The following ECPAS variants were observed in gnomAD, a reference collection of about 807,000 sequenced individuals.
ECPAS encodes Ecm29 proteasome adaptor and scaffold.
A neutral mutation model predicts 255.1 loss-of-function variants in ECPAS; 70 were observed. The ratio of observed to expected loss-of-function variants is 0.27; its 90% CI spans 0.23 to 0.33. ECPAS has a LOEUF of 0.33. ECPAS is among the 10% of genes least tolerant of loss of function. The pLI, the probability that ECPAS is intolerant of heterozygous loss-of-function variation, is 1.00. For missense variants in ECPAS, 1,817 were observed against 2,206.4 expected (o/e 0.82, Z 3.54); for synonymous variants, 784 against 775.0 (o/e 1.01, Z -0.19).
rs1489363188 is a variant in ECPAS at position 111,425,780 on chromosome 9, T to G, written c.1099A>C (p.Thr367Pro). The G allele has an allele frequency of 6.3e-7, 1 of 1,591,240 alleles. No individual in the cohort carries two copies. The highest frequency in any genetic ancestry group is 1.1e-5 in the South Asian group (1 of 89,004). The change falls in exon 11 of 50, where the codon ACA (threonine) becomes CCA (proline). Residue 367 changes from threonine (T) to proline (P), a missense_variant. Physicochemically the swap from Thr to Pro is conservative, Grantham distance 38. Coordinates refer to ENST00000684092, the MANE Select transcript of ECPAS (RefSeq NM_001364929.1). The part of the protein sequence containing the change: ...FGTNTNSKLR[T>P]LSLQFVHHIC... The stretch of plus-strand genomic sequence containing the variant: ...TGATGCACAAATTGCAGGGATAATG[T>G]TCTTAACTTTGAATTTGTATTTGTA...
chr9:111,389,592 T>C lies in ECPAS; in HGVS notation c.3411A>G (p.Thr1137=). The C allele has an allele frequency of 1.9e-6, 3 of 1,613,670 alleles. No homozygotes were observed. Among genetic ancestry groups the C allele is most frequent in the South Asian group, 1.1e-5 (1 of 91,004 alleles). The change falls in exon 31 of 50, where the codon ACA becomes ACG. Residue 1137 remains threonine (T), a synonymous_variant. Transcript: ENST00000684092. ...DPNLGIRQAM[T]SIWNALVTDK... ...CAGTGACCAACGCATTCCAAATACTTGTCATGGCCTGTCGAATGCCAAGGT... is the reference window on the plus strand; with the variant it reads ...CAGTGACCAACGCATTCCAAATACTCGTCATGGCCTGTCGAATGCCAAGGT...
At chr9:111,408,824 T>A (rs1564524512) in intron 23 of ECPAS, among the ~76,000 whole-genome samples, 152 bp from the exon 24 acceptor site, 1 of 152,360 alleles carries the variant, frequency 6.6e-6, no homozygotes, top group East Asian at 1.9e-4. Flanking sequence ...TACAGTCGTA[T>A]GTCTGTAAGT....
At chr9:111,456,453 C>G (rs1468513780) in intron 2 of ECPAS, among the ~76,000 whole-genome samples, 1 of 152,178 alleles carries the variant, frequency 6.6e-6, no homozygotes. Context: ...CCAAGAATGA[C>G]CCTATTTTCT....
At chr9:111,392,912 CT>C (rs772510664) in intron 27 of ECPAS, 30 bp from the exon 28 acceptor site, 30 of 1,526,486 alleles carry the variant, frequency 2.0e-5, no homozygotes, top group Non-Finnish European at 2.4e-5. Flanking sequence ...GATTGTATCA[CT>C]TTAAAAAAAA....
intron 2 of ECPAS, among the ~76,000 whole-genome samples, chr9:111,469,157 G>T (rs555682310): frequency 4.2e-4 from 63 of 150,948 alleles, no homozygotes; most frequent in African/African-American, 1.3e-3. Context: ...GAAATCACTT[G>T]AACCCAGGAG....
At chr9:111,364,091 A>C (rs564962492) in intron 48 of ECPAS, among the ~76,000 whole-genome samples, 8 of 152,318 alleles carry the variant, frequency 5.3e-5, no homozygotes, top group African/African-American at 1.9e-4. Flanking sequence ...CAGCAAAGAG[A>C]GGTCTGTTGG....
intron 24 of ECPAS, among the ~76,000 whole-genome samples, chr9:111,407,953 G>T (rs1016515499): frequency 1.3e-5 from 2 of 152,190 alleles, no homozygotes. Context: ...AGTAACTAAA[G>T]AATCTACCCT....
chr9:111,394,367 A>C (rs1006014134), intron 25 of ECPAS, 62 bp from the exon 26 acceptor site: 4 of 1,380,860 alleles, frequency 2.9e-6, no homozygotes, highest in Non-Finnish European at 3.8e-6. Context: ...TTCCTGAAAA[A>C]ATTAAATTCA....
chr9:111,389,847 G>T, intron 30 of ECPAS, 124 bp from the exon 31 acceptor site: 2 of 1,187,210 alleles, frequency 1.7e-6, no homozygotes, highest in East Asian at 2.6e-5. Context: ...CCAATCAACA[G>T]CATTTGTGGG....
At chr9:111,483,796 C>T (rs1225996692) in intron 1 of ECPAS, 3 of 198,452 alleles carry the variant, frequency 1.5e-5, no homozygotes, top group African/African-American at 7.2e-5. Flanking sequence ...CCGCTGCCGC[C>T]GCCGCCGTCT....
rs529886616 is a variant in ECPAS at position 111,386,427 on chromosome 9, T to C, written c.3477A>G (p.Gln1159=). Residue 1159 remains glutamine, a synonymous_variant, in exon 32 of 50, where the codon CAA becomes CAG. Coordinates refer to ENST00000684092, the MANE Select transcript of ECPAS (RefSeq NM_001364929.1). The stretch of plus-strand genomic sequence containing the variant: ...TGCTTGTAAGGTTCTTAACCAAATC[T>C]TGAAGAATTTCTTTCAAATATTTAT... The part of the protein sequence containing the change: ...MVDKYLKEIL[Q]DLVKNLTSNM... 3.1e-6 allele frequency: 5 copies of C among 1,600,166 alleles called. No homozygotes were observed. In the African/African-American group the frequency reaches 4.0e-5, roughly 13 times the overall value.
At chr9:111,363,561 C>G (rs368148946) in intron 49 of ECPAS, 27 bp downstream of exon 49, 5 of 1,386,236 alleles carry the variant, frequency 3.6e-6, no homozygotes, top group Non-Finnish European at 4.1e-6. Context: ...CTTTATGGTC[C>G]CCCAGTCAGA....
intron 7 of ECPAS, among the ~76,000 whole-genome samples, chr9:111,436,013 T>C (rs531556105): frequency 1.3e-5 from 2 of 150,998 alleles, no homozygotes; most frequent in Non-Finnish European, 3.0e-5. Flanking sequence ...CCTTTCTTAC[T>C]TACATAATAG....
intron 1 of ECPAS, among the ~76,000 whole-genome samples, chr9:111,476,187 C>T (rs940310620): frequency 5.3e-5 from 8 of 152,144 alleles, no homozygotes; most frequent in African/African-American, 1.4e-4. Context: ...TTTATCCCAA[C>T]GAAGATCAGA....
intron 31 of ECPAS, 43 bp from the exon 32 acceptor site, chr9:111,386,499 C>T: frequency 8.6e-7 from 1 of 1,157,292 alleles, no homozygotes; most frequent in Non-Finnish European, 1.3e-6. Context: ...CAAAATCCAT[C>T]AATAATCAAA....
At chr9:111,472,818 T>C (rs2098290623) in intron 2 of ECPAS, 79 bp downstream of exon 2, 2 of 300,846 alleles carry the variant, frequency 6.6e-6, no homozygotes, top group Non-Finnish European at 1.2e-5. Context: ...TGGGGGGAAA[T>C]TGCTACCTGA....
In ECPAS at chr9:111,391,830, C is replaced by G. The variant is rs772922556; in HGVS notation, c.3093-6G>C. On this transcript the variant is annotated splice_region_variant and splice_polypyrimidine_tract_variant and intron_variant, in intron 28 of 49. Coordinates refer to ENST00000684092, the MANE Select transcript of ECPAS (RefSeq NM_001364929.1). ...CAGAAACTTCATGTTTAACTCTAAACCAAAACAATAATTTCAATAAGCTTC... is the reference window on the plus strand; with the variant it reads ...CAGAAACTTCATGTTTAACTCTAAAGCAAAACAATAATTTCAATAAGCTTC... The G allele has an allele frequency of 6.3e-7, 1 of 1,586,476 alleles. No individual in the cohort carries two copies.
At chr9:111,400,941 T>C (rs1327838026) in intron 24 of ECPAS, among the ~76,000 whole-genome samples, 7 of 151,912 alleles carry the variant, frequency 4.6e-5, no homozygotes. Flanking sequence ...GAAAATTCAA[T>C]CCAATTAAGA....
chr9:111,408,544 C>A, intron 24 of ECPAS, 27 bp downstream of exon 24: 9 of 1,306,148 alleles, frequency 6.9e-6, no homozygotes, highest in Admixed American at 2.9e-5. Context: ...CTCTGAATAA[C>A]TAACAATCAG....
Sources: allele counts gnomAD v4.1 joint callset (sites outside exome capture counted in the v4.1 genomes callset), GRCh38; gene constraint gnomAD v4.1.1; transcripts MANE v1.5; gene names NCBI Gene and HGNC (gene_info 2026-07-23, HGNC 2026-07-21).